HDAC8: variants seen among roughly 807,000 people sequenced by gnomAD.
HDAC8 encodes the protein histone deacetylase 8.
A neutral mutation model predicts 32.2 loss-of-function variants in HDAC8; 1 was observed. The observed-to-expected ratio is 0.03, with a 90% CI of 0.01 to 0.15. The LOEUF is 0.15. Ranked by LOEUF, HDAC8 falls within the 10% of genes least tolerant of loss-of-function variation. The pLI is 1.00. For missense variants in HDAC8, 117 were observed against 300.0 expected (o/e 0.39, Z 4.51); for synonymous variants, 108 against 113.9 (o/e 0.95, Z 0.33).
At chrX:72,477,661 A>T (rs1188573792) in intron 7 of HDAC8, among the ~76,000 whole-genome samples, 1 of 112,791 alleles carries the variant, frequency 8.9e-6, no homozygotes, top group African/African-American at 3.2e-5. Context: ...ATTGATTTTC[A>T]TCATTAACTT....
At chrX:72,500,576 C>T (rs2049178187) in intron 4 of HDAC8, among the ~76,000 whole-genome samples, 1 of 111,822 alleles carries the variant, frequency 8.9e-6, no homozygotes, top group South Asian at 3.7e-4. Context: ...TAAAATTCAA[C>T]ACCCCTTCAT....
At chrX:72,474,200 C>T in intron 7 of HDAC8, 1 of 750,955 alleles carries the variant, frequency 1.3e-6, no homozygotes, top group Non-Finnish European at 1.6e-6. Flanking sequence ...AGTATTTTCT[C>T]TCTTTGAATA....
At chrX:72,337,003 G>A (rs1555942735) in intron 10 of HDAC8, among the ~76,000 whole-genome samples, 1 of 111,739 alleles carries the variant, frequency 8.9e-6, no homozygotes, top group Non-Finnish European at 1.9e-5. Context: ...GCCCACCTTG[G>A]CCTCCCAAAG....
intron 9 of HDAC8, among the ~76,000 whole-genome samples, chrX:72,369,554 G>A (rs1369797019): frequency 8.9e-6 from 1 of 112,117 alleles, no homozygotes; most frequent in Non-Finnish European, 1.9e-5. Context: ...TGCAGCAGAA[G>A]GGCAGACAAG....
chrX:72,544,753 T>C (rs1432284886), intron 4 of HDAC8, among the ~76,000 whole-genome samples: 1 of 111,898 alleles, frequency 8.9e-6, no homozygotes, highest in Non-Finnish European at 1.9e-5. Context: ...ATTTAGAAGG[T>C]TCCAGACTAA....
intron 9 of HDAC8, among the ~76,000 whole-genome samples, chrX:72,459,994 C>T (rs1164215161): frequency 8.9e-6 from 1 of 111,754 alleles, no homozygotes; most frequent in Admixed American, 9.5e-5. Context: ...TTTGTTCTTT[C>T]TTGCATGACT....
intron 4 of HDAC8, among the ~76,000 whole-genome samples, chrX:72,557,177 T>G (rs1301598398): frequency 9.0e-6 from 1 of 111,548 alleles, no homozygotes; most frequent in Non-Finnish European, 1.9e-5. Context: ...CACTCCAGCC[T>G]GGGCGACAGA....
At chrX:72,474,725 C>T (rs369334627) in intron 7 of HDAC8, 33 of 1,161,475 alleles carry the variant, frequency 2.8e-5, no homozygotes, top group African/African-American at 7.2e-5. Flanking sequence ...GCAGGAGGTT[C>T]GTACCTGAGG....
intron 9 of HDAC8, among the ~76,000 whole-genome samples, chrX:72,457,658 G>A (rs182255111): frequency 1.8e-5 from 2 of 111,888 alleles, no homozygotes; most frequent in East Asian, 2.8e-4. Context: ...TGTGTAAGAT[G>A]TGTTTACTGG....
At chrX:72,563,963 C>A (rs1401485337) in intron 4 of HDAC8, among the ~76,000 whole-genome samples, 1 of 111,304 alleles carries the variant, frequency 9.0e-6, no homozygotes, top group Non-Finnish European at 1.9e-5. Flanking sequence ...AGTTCGAGAC[C>A]AGCCTGACCA....
At chrX:72,498,166 CAAA>C (rs71982796) in intron 4 of HDAC8, among the ~76,000 whole-genome samples, 19 of 50,820 alleles carry the variant, frequency 3.7e-4, no homozygotes, top group African/African-American at 7.9e-4. Context: ...GTTAAAATGG[CAAA>C]AAAAAAAAAA....
chrX:72,486,537 G>A (rs1180395217), intron 7 of HDAC8, among the ~76,000 whole-genome samples: 3 of 111,583 alleles, frequency 2.7e-5, no homozygotes, highest in Non-Finnish European at 5.6e-5. Context: ...TTAGCCAGAT[G>A]TGGTATCGTG....
chrX:72,370,038 T>C (rs182274094), intron 9 of HDAC8, among the ~76,000 whole-genome samples: 42 of 111,928 alleles, frequency 3.8e-4, no homozygotes, highest in African/African-American at 1.3e-3. Flanking sequence ...CCACCCCTTA[T>C]TGGGGAACAG....
intron 9 of HDAC8, among the ~76,000 whole-genome samples, chrX:72,420,230 T>C (rs782175843): frequency 8.9e-6 from 1 of 111,879 alleles, no homozygotes; most frequent in Admixed American, 9.5e-5. Context: ...GGTCCTTGGC[T>C]TTCCTTTGTT....
intron 4 of HDAC8, among the ~76,000 whole-genome samples, chrX:72,528,006 C>A (rs782681869): frequency 7.3e-5 from 8 of 110,329 alleles, no homozygotes; most frequent in Admixed American, 1.9e-4. Context: ...GAACTCCTGA[C>A]CTCAGGTGAT....
intron 9 of HDAC8, among the ~76,000 whole-genome samples, chrX:72,453,641 A>G (rs1487785732): frequency 8.9e-6 from 1 of 112,016 alleles, no homozygotes; most frequent in Non-Finnish European, 1.9e-5. Context: ...ACAGAAAAAA[A>G]TAGTGGTTGA....
intron 9 of HDAC8, among the ~76,000 whole-genome samples, chrX:72,372,623 T>C (rs1188304549): frequency 9.0e-6 from 1 of 111,375 alleles, no homozygotes; most frequent in Non-Finnish European, 1.9e-5. Flanking sequence ...TCCTTGGATA[T>C]GTTTTAAACT....
intron 7 of HDAC8, among the ~76,000 whole-genome samples, chrX:72,482,468 T>C (rs1028817476): frequency 1.8e-5 from 2 of 112,299 alleles, no homozygotes; most frequent in Admixed American, 1.9e-4. Flanking sequence ...TCTATAAAAT[T>C]ACAAATTAAA....
intron 9 of HDAC8, among the ~76,000 whole-genome samples, chrX:72,448,904 G>A (rs782494551): frequency 5.4e-5 from 6 of 112,128 alleles, no homozygotes; most frequent in East Asian, 2.8e-4. Flanking sequence ...TTAGAATGGC[G>A]ATCATTAAAA....
Sources: gnomAD v4.1 joint callset for allele counts (sites outside exome capture counted in the v4.1 genomes callset) on GRCh38, gnomAD v4.1.1 for gene constraint, MANE v1.5 for transcripts, NCBI Gene and HGNC (gene_info 2026-07-23, HGNC 2026-07-21) for gene names.